The following WWOX variants were observed in gnomAD, a reference collection of about 807,000 sequenced individuals.
WWOX encodes the protein WW domain containing oxidoreductase.
Under a neutral mutation model 46.2 loss-of-function variants are expected in WWOX, and 69 were observed. The observed-to-expected ratio is 1.49, with a 90% CI of 1.23 to 1.82. The LOEUF (loss-of-function observed/expected upper bound fraction) is 1.82. WWOX is among the 40% of genes most tolerant of loss of function. The pLI, the probability that WWOX is intolerant of heterozygous loss-of-function variation, is 0.00. For synonymous variants in WWOX, 359 were observed against 202.6 expected (o/e 1.77, Z -6.56); for missense variants, 919 against 542.6 (o/e 1.69, Z -6.89).
chr16:78,542,355 A>T (rs79047243), intron 8 of WWOX, among the ~76,000 whole-genome samples: 1 of 152,136 alleles, frequency 6.6e-6, no homozygotes, highest in African/African-American at 2.4e-5. Flanking sequence ...ATCATGTAGA[A>T]TCTGAAAATT....
intron 8 of WWOX, among the ~76,000 whole-genome samples, chr16:78,912,935 G>A (rs796242349): frequency 5.3e-5 from 8 of 152,092 alleles, no homozygotes; most frequent in African/African-American, 1.7e-4. Flanking sequence ...GAGAAACCTC[G>A]AAGGGTCGAA....
intron 6 of WWOX, among the ~76,000 whole-genome samples, chr16:78,394,596 C>A (rs74028163): frequency 6.6e-6 from 1 of 152,022 alleles, no homozygotes; most frequent in Non-Finnish European, 1.5e-5. Context: ...CAAAGTATGA[C>A]CGTAAAGGGC....
chr16:78,729,391 C>T (rs578090819), intron 8 of WWOX, among the ~76,000 whole-genome samples: 2 of 151,756 alleles, frequency 1.3e-5, no homozygotes, highest in African/African-American at 4.8e-5. Flanking sequence ...TATGCATGCA[C>T]ATCCTAATTC....
At chr16:78,695,365 A>G (rs1176321263) in intron 8 of WWOX, among the ~76,000 whole-genome samples, 1 of 152,130 alleles carries the variant, frequency 6.6e-6, no homozygotes, top group East Asian at 1.9e-4. Context: ...TTTTTTAAGC[A>G]GGAAACAATG....
chr16:78,718,513 A>C (rs1362208016), intron 8 of WWOX, among the ~76,000 whole-genome samples: 1 of 152,168 alleles, frequency 6.6e-6, no homozygotes, highest in Non-Finnish European at 1.5e-5. Flanking sequence ...AATAAAAATG[A>C]ATTTGCCAGT....
chr16:78,806,549 C>T (rs1485167975), intron 8 of WWOX, among the ~76,000 whole-genome samples: 1 of 152,002 alleles, frequency 6.6e-6, no homozygotes, highest in Admixed American at 6.5e-5. Context: ...GTGGGTGGGA[C>T]CCTTGCTGGA....
chr16:78,850,081 AAAAT>A (rs2052403401), intron 8 of WWOX, among the ~76,000 whole-genome samples: 1 of 152,132 alleles, frequency 6.6e-6, no homozygotes, highest in Non-Finnish European at 1.5e-5. Context: ...TTAAAAAAAA[AAAAT>A]AGAGTGATAG....
At chr16:78,814,587 A>G (rs1266227309) in intron 8 of WWOX, among the ~76,000 whole-genome samples, 1 of 152,156 alleles carries the variant, frequency 6.6e-6, no homozygotes, top group Non-Finnish European at 1.5e-5. Context: ...TTTCCAACCT[A>G]TCCAATTTCA....
Position 78,436,320 on chromosome 16 carries a change from G to GGT in WWOX, c.1056+3570_1056+3571dup, listed in dbSNP as rs569911773. 8.7e-3 allele frequency among the ~76,000 whole-genome samples: 1,321 copies of GGT among 152,348 alleles called. 13 individuals carry two copies. The highest frequency in any genetic ancestry group is 0.016 in the Non-Finnish European group (1,057 of 68,042). ...ACTGGCCAGGTAGAAAGGGCGTCCA[G>GGT]GTGAAGGGACCCTGGTTCAGTGATC... On this transcript the variant is annotated intron_variant, in intron 8 of 8. Coordinates refer to ENST00000566780, the MANE Select transcript of WWOX (RefSeq NM_016373.4).
At chr16:78,624,767 C>T (rs77598119) in intron 8 of WWOX, among the ~76,000 whole-genome samples, 1 of 152,120 alleles carries the variant, frequency 6.6e-6, no homozygotes, top group Admixed American at 6.5e-5. Flanking sequence ...TTATTTATTG[C>T]AGAACGACAC....
At chr16:78,665,286 G>C (rs2047304764) in intron 8 of WWOX, among the ~76,000 whole-genome samples, 1 of 152,144 alleles carries the variant, frequency 6.6e-6, no homozygotes, top group Non-Finnish European at 1.5e-5. Flanking sequence ...GTGTAGAGAA[G>C]AGAGTTTTCA....
intron 8 of WWOX, among the ~76,000 whole-genome samples, chr16:78,569,705 A>G (rs1489572665): frequency 6.6e-6 from 1 of 152,248 alleles, no homozygotes; most frequent in Non-Finnish European, 1.5e-5. Context: ...ACTTCCTGCA[A>G]TAACGATACT....
chr16:78,560,292 T>C (rs1226732192), intron 8 of WWOX, among the ~76,000 whole-genome samples: 1 of 152,200 alleles, frequency 6.6e-6, no homozygotes, highest in Non-Finnish European at 1.5e-5. Flanking sequence ...AGAAAAACAA[T>C]TACACTAGCT....
At chr16:78,663,977 G>C (rs1180016185) in intron 8 of WWOX, among the ~76,000 whole-genome samples, 1 of 152,162 alleles carries the variant, frequency 6.6e-6, no homozygotes, top group Non-Finnish European at 1.5e-5. Context: ...TATGACGTCT[G>C]GATTTTCCTT....
chr16:79,063,889 G>C (rs75195676), intron 8 of WWOX, among the ~76,000 whole-genome samples: 2,644 of 152,298 alleles, frequency 0.017, 64 homozygotes, highest in African/African-American at 0.058. Flanking sequence ...AGTAGGAATT[G>C]TCAAAGATAA....
chr16:78,448,469 G>T (rs538832675), intron 8 of WWOX, among the ~76,000 whole-genome samples: 6 of 152,088 alleles, frequency 3.9e-5, no homozygotes, highest in Non-Finnish European at 7.3e-5. Context: ...GTGTCCACTG[G>T]GCTGGGGTCA....
At chr16:78,355,600 A>G (rs375658150) in intron 5 of WWOX, 5 of 541,764 alleles carry the variant, frequency 9.2e-6, no homozygotes, top group East Asian at 4.5e-5. Flanking sequence ...GGCTCAGCCC[A>G]GAGGAGCGAA....
At chr16:78,629,080 C>G (rs929234845) in intron 8 of WWOX, among the ~76,000 whole-genome samples, 7 of 152,150 alleles carry the variant, frequency 4.6e-5, no homozygotes, top group Admixed American at 4.6e-4. Flanking sequence ...TTACATATTT[C>G]AAAATGTGAA....
intron 8 of WWOX, among the ~76,000 whole-genome samples, chr16:79,092,676 G>C (rs1292314887): frequency 6.6e-6 from 1 of 152,216 alleles, no homozygotes; most frequent in Non-Finnish European, 1.5e-5. Context: ...GATGGAAACA[G>C]AGACAGATGT....
Sources: allele counts gnomAD v4.1 joint callset (sites outside exome capture counted in the v4.1 genomes callset), GRCh38; gene constraint gnomAD v4.1.1; transcripts MANE v1.5; gene names NCBI Gene and HGNC (gene_info 2026-07-23, HGNC 2026-07-21).